The following KDM2A variants were observed in gnomAD, a reference collection of about 807,000 sequenced individuals.
KDM2A encodes lysine demethylase 2A, also known as lysine-specific demethylase 2A.
In KDM2A, 3 loss-of-function variants were observed where a neutral mutation model predicts 137.3. The ratio of observed to expected loss-of-function variants is 0.02; its 90% CI spans 0.01 to 0.06. KDM2A has a LOEUF of 0.06. KDM2A is among the 10% of genes least tolerant of loss of function. The probability of loss-of-function intolerance (pLI) is 1.00; values close to 1 mark genes in which losing one functional copy is unlikely to be tolerated. For synonymous variants in KDM2A, 512 were observed against 541.5 expected (o/e 0.95, Z 0.76); for missense variants, 738 against 1,510.6 (o/e 0.49, Z 8.48).
At chr11:67,181,929 A>T (rs1356347484) in intron 5 of KDM2A, 37 bp downstream of exon 5, 1 of 1,567,470 alleles carries the variant, frequency 6.4e-7, no homozygotes. Context: ...CTTTAAGGCA[A>T]AGATTTAAGA....
At chr11:67,242,912 C>T (rs1859092139) in intron 12 of KDM2A, 97 bp from the exon 13 acceptor site, 11 of 856,812 alleles carry the variant, frequency 1.3e-5, no homozygotes, top group Non-Finnish European at 2.0e-5. Flanking sequence ...TCCCTTGCTA[C>T]TCAAGGGTAC....
At chr11:67,136,924 A>G (rs1855980871) in intron 2 of KDM2A, among the ~76,000 whole-genome samples, 1 of 152,224 alleles carries the variant, frequency 6.6e-6, no homozygotes, top group South Asian at 2.1e-4. Flanking sequence ...ACAAAGGGCT[A>G]CAAAGGTAAA....
rs1012478709 is a variant in KDM2A at position 67,254,430 on chromosome 11, C to T, written c.3307+12C>T. On this transcript the variant is annotated intron_variant, in intron 20 of 20. Coordinates refer to ENST00000529006, the MANE Select transcript of KDM2A (RefSeq NM_012308.3). This position sits in a 1 kb window ranked among gnomAD's most constrained non-coding sequence, Gnocchi z 4.7. Reference sequence around the variant, plus strand: ...GCTCAATATGGCAGGTATGCCGCTACAGTTGTTCATAATCAGCGGTGCCCC... The same window carrying T: ...GCTCAATATGGCAGGTATGCCGCTATAGTTGTTCATAATCAGCGGTGCCCC... The T allele has an allele frequency of 6.8e-6, 11 of 1,609,126 alleles. No homozygotes were observed. Among genetic ancestry groups the T allele is most frequent in the African/African-American group, 2.7e-5 (2 of 74,852 alleles).
At chr11:67,247,073 T>TA (rs1859266101) in intron 15 of KDM2A, among the ~76,000 whole-genome samples, 3 of 43,704 alleles carry the variant, frequency 6.9e-5, no homozygotes, top group African/African-American at 3.6e-4. Context: ...ATATATATAT[T>TA]TTTTTTTTTT....
At chr11:67,230,863 C>G (rs1304144126) in intron 11 of KDM2A, among the ~76,000 whole-genome samples, 1 of 151,832 alleles carries the variant, frequency 6.6e-6, no homozygotes, top group African/African-American at 2.4e-5. Flanking sequence ...AAAATAGTCA[C>G]TTTGTTTTGT....
intron 2 of KDM2A, among the ~76,000 whole-genome samples, chr11:67,146,027 C>T (rs1856239588): frequency 6.9e-6 from 1 of 145,748 alleles, no homozygotes; most frequent in Non-Finnish European, 1.5e-5. Flanking sequence ...GAGTCTATCT[C>T]TGTTGCCAGG....
Position 67,207,605 on chromosome 11 carries a change from G to C in KDM2A, c.403G>C (p.Glu135Gln), listed in dbSNP as rs1327789805. The change falls in exon 6 of 21, where the codon GAG (glutamate) becomes CAG (glutamine). Residue 135 changes from glutamate to glutamine, a missense_variant. Physicochemically the swap from Glu to Gln is conservative, Grantham distance 29. Transcript: ENST00000529006. Reference sequence around the variant, plus strand: ...GACACGCTACTATGAGACCCCAGAGGAGGAGCGAGAGAAACTCTATAATGT... The same window carrying C: ...GACACGCTACTATGAGACCCCAGAGCAGGAGCGAGAGAAACTCTATAATGT... ...QWTRYYETPE[E>Q]EREKLYNVIS... The C allele has an allele frequency of 2.5e-6, 4 of 1,613,718 alleles. No homozygotes were observed. The highest frequency in any genetic ancestry group is 3.4e-6 in the Non-Finnish European group (4 of 1,179,840).
At chr11:67,164,434 G>A (rs1006353759) in intron 2 of KDM2A, among the ~76,000 whole-genome samples, 1 of 152,106 alleles carries the variant, frequency 6.6e-6, no homozygotes, top group African/African-American at 2.4e-5. Flanking sequence ...CTGGTGGCTT[G>A]TGTATAACTG....
At chr11:67,143,020 C>CTT (rs1194089199) in intron 2 of KDM2A, among the ~76,000 whole-genome samples, 74 of 126,408 alleles carry the variant, frequency 5.9e-4, no homozygotes, top group African/African-American at 1.8e-3. Context: ...TATATCTATT[C>CTT]TTTTTTTTTT....
intron 3 of KDM2A, 100 bp from the exon 4 acceptor site, chr11:67,181,220 C>G: frequency 1.5e-6 from 1 of 647,752 alleles, no homozygotes; most frequent in South Asian, 2.4e-5. Flanking sequence ...CACAGAATAA[C>G]AAACACCATT....
At chr11:67,180,254 A>AT (rs1373053776) in intron 3 of KDM2A, 37 bp downstream of exon 3, 15 of 1,602,334 alleles carry the variant, frequency 9.4e-6, no homozygotes, top group Middle Eastern at 1.7e-4. Flanking sequence ...CAGTCCTTTG[A>AT]TGTGGGAAGC....
At chr11:67,175,204 A>G (rs1290688502) in intron 2 of KDM2A, among the ~76,000 whole-genome samples, 1 of 152,222 alleles carries the variant, frequency 6.6e-6, no homozygotes, top group African/African-American at 2.4e-5. Context: ...ATGTTATAGA[A>G]GCTTACTTTG....
intron 11 of KDM2A, among the ~76,000 whole-genome samples, chr11:67,228,871 C>T (rs1858627456): frequency 6.6e-6 from 1 of 151,984 alleles, no homozygotes; most frequent in South Asian, 2.1e-4. Context: ...GGATTACAAG[C>T]ACACACCACT....
chr11:67,224,827 C>CTTT (rs1204370255), intron 10 of KDM2A, among the ~76,000 whole-genome samples: 9 of 110,660 alleles, frequency 8.1e-5, no homozygotes, highest in African/African-American at 4.1e-4. Context: ...GCAGCTGCAG[C>CTTT]ATTTTTTTTT....
intron 5 of KDM2A, among the ~76,000 whole-genome samples, chr11:67,201,234 G>GTGTGTA (rs555985556): frequency 0.024 from 3,453 of 145,592 alleles, 83 homozygotes; most frequent in African/African-American, 0.063. Flanking sequence ...GTGTGTGTGT[G>GTGTGTA]TATATATATA....
chr11:67,185,714 G>T (rs973013410), intron 5 of KDM2A, among the ~76,000 whole-genome samples: 3 of 151,964 alleles, frequency 2.0e-5, no homozygotes, highest in African/African-American at 7.3e-5. Flanking sequence ...TAAGCAGTGG[G>T]ATCTTTAAGA....
chr11:67,246,598 A>G (rs540310558), intron 15 of KDM2A, among the ~76,000 whole-genome samples: 2 of 152,194 alleles, frequency 1.3e-5, no homozygotes, highest in Admixed American at 1.3e-4. Context: ...ATAAAAAGTA[A>G]TAAATTCAGA....
chr11:67,240,331 C>G (rs1858992409), intron 12 of KDM2A: 1 of 1,535,514 alleles, frequency 6.5e-7, no homozygotes, highest in Middle Eastern at 1.7e-4. Flanking sequence ...GAAACTTCAC[C>G]AAGAGCCTCG....
intron 2 of KDM2A, among the ~76,000 whole-genome samples, chr11:67,161,666 G>A (rs1190765323): frequency 6.6e-6 from 1 of 152,136 alleles, no homozygotes; most frequent in Non-Finnish European, 1.5e-5. Flanking sequence ...AGATGATCTG[G>A]AAAAGTGGTT....
Sources: gnomAD v4.1 joint callset for allele counts (sites outside exome capture counted in the v4.1 genomes callset) on GRCh38, gnomAD v4.1.1 for gene constraint, Gnocchi (gnomAD v3.1) non-coding constraint, MANE v1.5 for transcripts, NCBI Gene and HGNC (gene_info 2026-07-23, HGNC 2026-07-21) for gene names.